Variants in MCM9 observed in about 807,000 individuals in gnomAD.
MCM9 encodes the protein DNA helicase MCM9.
Under a neutral mutation model 72.8 loss-of-function variants are expected in MCM9, and 55 were observed. The ratio of observed to expected loss-of-function variants is 0.76; its 90% CI spans 0.61 to 0.95. MCM9 has a LOEUF of 0.95. MCM9 is among the 40% of genes least tolerant of loss of function. MCM9 has a pLI of 0.00. For missense variants in MCM9, 1,279 were observed against 1,377.0 expected (o/e 0.93, Z 1.13); for synonymous variants, 480 against 503.4 (o/e 0.95, Z 0.62).
rs140477422 is a variant in MCM9 at position 118,889,888 on chromosome 6, G to T, written c.1150+21762C>A. ...ACCTTCAACAAACTTCTAACACAAT[G>T]ATGGGTAGAAAAGAACACAAAACAG... is the stretch of plus-strand genomic sequence containing the variant. On this transcript the variant is annotated intron_variant, in intron 8 of 13. Coordinates refer to ENST00000619706, the MANE Select transcript of MCM9 (RefSeq NM_017696.3). 7.9e-4 allele frequency among the ~76,000 whole-genome samples: 121 copies of T among 152,336 alleles called. 1 individual carries two copies. Among genetic ancestry groups the T allele is most frequent in the African/African-American group, 2.8e-3 (117 of 41,570 alleles).
intron 9 of MCM9, among the ~76,000 whole-genome samples, chr6:118,843,656 G>GTATATATATATATATACA (rs1171113167): frequency 1.7e-4 from 2 of 11,944 alleles, no homozygotes; most frequent in Non-Finnish European, 4.2e-4. Context: ...ATATATATAT[G>GTATATATATATATATACA]TGTATATATA....
At chr6:118,858,789 A>T (rs1396973213) in intron 8 of MCM9, among the ~76,000 whole-genome samples, 1 of 152,182 alleles carries the variant, frequency 6.6e-6, no homozygotes, top group African/African-American at 2.4e-5. Flanking sequence ...AGACGAAATA[A>T]ACTCTATATT....
intron 3 of MCM9, among the ~76,000 whole-genome samples, chr6:118,925,061 G>T (rs1156489355): frequency 3.3e-5 from 5 of 151,768 alleles, no homozygotes; most frequent in African/African-American, 1.2e-4. Flanking sequence ...AGAAAGACAG[G>T]GAGGGAGGAA....
intron 3 of MCM9, among the ~76,000 whole-genome samples, chr6:118,929,133 T>C (rs1422354909): frequency 6.6e-6 from 1 of 152,098 alleles, no homozygotes; most frequent in Admixed American, 6.5e-5. Context: ...GGCAGGAGGA[T>C]TGCTTGAACC....
chr6:118,826,908 G>T (rs750151503), intron 11 of MCM9, 44 bp from the exon 12 acceptor site: 30 of 1,464,448 alleles, frequency 2.0e-5, no homozygotes, highest in Non-Finnish European at 2.8e-5. Context: ...TATTTGAGGT[G>T]AGAAATGTAA....
rs1194469382 is a variant in MCM9 at position 118,828,023 on chromosome 6, G to A, written c.1636C>T (p.Leu546Phe). ...PTLSDVGNQV[L>F]LRYYQMQRQS... The stretch of plus-strand genomic sequence containing the variant: ...CTTTGCATCTGGTAGTACCGGAGAA[G>A]AACCTGATTGCCCACATCAGACAGT... The change falls in exon 11 of 14, where the codon CTT becomes TTT. Residue 546 changes from leucine (L) to phenylalanine (F), a missense_variant. Transcript: ENST00000619706. 2 of 1,550,888 alleles carry A rather than the reference G, an allele frequency of 1.3e-6. No homozygotes were observed. Among genetic ancestry groups the A allele is most frequent in the Non-Finnish European group, 1.7e-6 (2 of 1,147,072 alleles).
At chr6:118,901,940 C>T (rs1779820345) in intron 8 of MCM9, among the ~76,000 whole-genome samples, 1 of 152,148 alleles carries the variant, frequency 6.6e-6, no homozygotes, top group Admixed American at 6.5e-5. Flanking sequence ...CACTTAGACA[C>T]ATGCCATCTC....
At chr6:118,913,480 T>C in intron 6 of MCM9, 60 bp from the exon 7 acceptor site, 1 of 1,600,110 alleles carries the variant, frequency 6.2e-7, no homozygotes, top group Non-Finnish European at 8.5e-7. Flanking sequence ...CAACTGAAAT[T>C]TCCCTTCCTT....
rs1247331893 is a variant in MCM9 at position 118,828,046 on chromosome 6, A to G, written c.1613T>C (p.Leu538Pro). The change falls in exon 11 of 14, where the codon CTG (leucine) becomes CCG (proline). Residue 538 changes from leucine (L) to proline (P), a missense_variant. By Grantham distance (98) the Leu-to-Pro change is moderately conservative (BLOSUM62 -3). Coordinates refer to ENST00000619706, the MANE Select transcript of MCM9 (RefSeq NM_017696.3). ...FCLIRNLQPT[L>P]SDVGNQVLLR... ...AAGAACCTGATTGCCCACATCAGAC[A>G]GTGTGGGCTGCAGATTCCTTATGAG... 15 of 1,550,636 alleles carry G rather than the reference A, an allele frequency of 9.7e-6. No homozygotes were observed. The African/African-American group carries it at 1.6e-4, about 17-fold the overall frequency.
chr6:118,878,250 CAT>C (rs1778066167), intron 8 of MCM9, among the ~76,000 whole-genome samples: 1 of 151,848 alleles, frequency 6.6e-6, no homozygotes, highest in Admixed American at 6.6e-5. Context: ...TCAAAAAATA[CAT>C]AGTCTACAAT....
rs978092955 is a variant in MCM9, at chr6:118,900,032, T to C, written c.1150+11618A>G. Among the ~76,000 whole-genome samples, 7 of 152,350 alleles carry C rather than the reference T, an allele frequency of 4.6e-5. No homozygotes were observed. In the East Asian group the frequency reaches 7.7e-4, roughly 17 times the overall value. ...AACATGCTCAGTAAAATCCGCTATA[T>C]TGAATTACATATAACGCCTTGAATT... On this transcript the variant is annotated intron_variant, in intron 8 of 13. Coordinates refer to ENST00000619706, the MANE Select transcript of MCM9 (RefSeq NM_017696.3).
intron 6 of MCM9, among the ~76,000 whole-genome samples, chr6:118,916,294 T>C (rs1780939948): frequency 1.3e-5 from 2 of 151,208 alleles, no homozygotes; most frequent in South Asian, 4.2e-4. Context: ...AGAGAACTTT[T>C]GCTTCTTTCA....
At chr6:118,877,389 T>C (rs1009251734) in intron 8 of MCM9, among the ~76,000 whole-genome samples, 1 of 152,156 alleles carries the variant, frequency 6.6e-6, no homozygotes, top group Admixed American at 6.5e-5. Flanking sequence ...AAATGGAGAA[T>C]GGACTTAAAA....
In MCM9 at chr6:118,870,316, G is replaced by A. The variant is rs138176424; in HGVS notation, c.1151-13771C>T. Among the ~76,000 whole-genome samples, 20 of 152,216 alleles carry A rather than the reference G, an allele frequency of 1.3e-4. No homozygotes were observed. The East Asian group carries it at 3.7e-3, about 28-fold the overall frequency. On this transcript the variant is annotated intron_variant, in intron 8 of 13. Transcript: ENST00000619706. The stretch of plus-strand genomic sequence containing the variant: ...ATCAAGTATCTTTTCCAACCACAAT[G>A]ATATGAAACTTGCTTCAATAACAGA...
At chr6:118,819,364 T>C (rs968314150) in intron 13 of MCM9, among the ~76,000 whole-genome samples, 1 of 152,222 alleles carries the variant, frequency 6.6e-6, no homozygotes, top group Non-Finnish European at 1.5e-5. Flanking sequence ...ATTTTCTGCA[T>C]CTATTGAGAT....
chr6:118,858,783 G>A (rs979921192), intron 8 of MCM9, among the ~76,000 whole-genome samples: 8 of 151,862 alleles, frequency 5.3e-5, no homozygotes, highest in Admixed American at 2.0e-4. Context: ...ATTGAGAGAC[G>A]AAATAAACTC....
intron 8 of MCM9, among the ~76,000 whole-genome samples, chr6:118,885,855 C>T (rs1390612718): frequency 6.6e-6 from 1 of 152,058 alleles, no homozygotes; most frequent in Admixed American, 6.6e-5. Context: ...CAGACACAGA[C>T]ATCACCAGAA....
chr6:118,887,047 C>G (rs1359798636), intron 8 of MCM9, among the ~76,000 whole-genome samples: 2 of 152,196 alleles, frequency 1.3e-5, no homozygotes, highest in Non-Finnish European at 2.9e-5. Flanking sequence ...AAGGCAGCAT[C>G]ATGAAGATGG....
chr6:118,921,197 C>T (rs1781397500), intron 5 of MCM9: 1 of 152,194 alleles, frequency 6.6e-6, no homozygotes, highest in South Asian at 2.1e-4. Context: ...ATATGCTGTG[C>T]TTGATTGTCT....
Sources: gnomAD v4.1 joint callset for allele counts (sites outside exome capture counted in the v4.1 genomes callset) on GRCh38, gnomAD v4.1.1 for gene constraint, MANE v1.5 for transcripts, NCBI Gene and HGNC (gene_info 2026-07-23, HGNC 2026-07-21) for gene names.